The following DNM1L variants were observed in gnomAD, a reference collection of about 807,000 sequenced individuals.
DNM1L encodes dynamin 1L, also known as dynamin-1-like protein.
DNM1L carries 33 observed loss-of-function variants against 92.8 expected under a neutral mutation model. The observed-to-expected ratio is 0.36, with a 90% CI of 0.27 to 0.48. DNM1L has a LOEUF of 0.48. Ranked by LOEUF, DNM1L falls within the 20% of genes least tolerant of loss-of-function variation. DNM1L has a pLI of 0.99. For synonymous variants in DNM1L, 284 were observed against 305.0 expected, an observed-to-expected ratio of 0.93 and a Z score of 0.72; for missense variants, 485 against 888.8, an observed-to-expected ratio of 0.55 and a Z score of 5.78.
intron 9 of DNM1L, among the ~76,000 whole-genome samples, chr12:32,723,541 A>G (rs987211708): frequency 6.6e-6 from 1 of 151,880 alleles, no homozygotes; most frequent in Non-Finnish European, 1.5e-5. Context: ...TAAAAATACA[A>G]AAACTAGCCG....
rs1953906818 is a variant in DNM1L, at chr12:32,723,604, G to A, written c.1079+971G>A. ...AGCTACTTGGGAGGCTGAGGCAGGA[G>A]AATTGCTTGAACCCGTGAGGCGGAG... On this transcript the variant is annotated intron_variant, in intron 9 of 19. Transcript: ENST00000549701. Among the ~76,000 whole-genome samples the A allele has an allele frequency of 2.0e-5, 3 of 147,764 alleles. No homozygotes were observed. In the East Asian group the frequency reaches 6.3e-4, roughly 31 times the overall value.
In DNM1L at chr12:32,717,913, A is replaced by T. The variant is rs1230707407; in HGVS notation, c.620-730A>T. Among the ~76,000 whole-genome samples, 410 of 81,304 alleles carry T rather than the reference A, an allele frequency of 5.0e-3. 16 individuals are homozygous for T. The highest frequency in any genetic ancestry group is 0.021 in the African/African-American group (386 of 18,318). The allele number at this position is 81,304 out of a possible 152,430, so 53.3% of individuals were successfully genotyped here. On this transcript the variant is annotated intron_variant, in intron 6 of 19. Transcript: ENST00000549701. Reference sequence around the variant, plus strand: ...TATATACTATATATAGTATATATATAAAATATAGTATATATTTTATATATA... The same window carrying T: ...TATATACTATATATAGTATATATATTAAATATAGTATATATTTTATATATA...
chr12:32,742,888 C>CTTTTTTTTTTTTTTTTTTTT (rs36039451), intron 19 of DNM1L, 140 bp downstream of exon 19: 1 of 201,926 alleles, frequency 5.0e-6, no homozygotes, highest in Admixed American at 9.5e-5. Flanking sequence ...TGATAAGAAT[C>CTTTTTTTTTTTTTTTTTTTT]TTTTTTTTTT....
intron 18 of DNM1L, among the ~76,000 whole-genome samples, chr12:32,741,983 T>C (rs1342821450): frequency 6.6e-6 from 1 of 152,224 alleles, no homozygotes; most frequent in East Asian, 1.9e-4. Flanking sequence ...AGATATACTG[T>C]GTTTAAGCAT....
intron 9 of DNM1L, chr12:32,728,602 G>C (rs551970950): frequency 9.8e-5 from 15 of 152,316 alleles, no homozygotes; most frequent in African/African-American, 3.4e-4. Flanking sequence ...CAGGGTTTGG[G>C]AGAACTCCAC....
At chr12:32,719,828 A>G (rs149414927) in intron 7 of DNM1L, among the ~76,000 whole-genome samples, 85 of 152,266 alleles carry the variant, frequency 5.6e-4, no homozygotes, top group Middle Eastern at 3.4e-3. Context: ...GTTGATGTCT[A>G]TTTTATAATC....
intron 2 of DNM1L, among the ~76,000 whole-genome samples, chr12:32,701,767 G>A (rs894371418): frequency 6.6e-6 from 1 of 151,628 alleles, no homozygotes; most frequent in Non-Finnish European, 1.5e-5. Context: ...TTACTCTGTC[G>A]CCCAGGCTGG....
chr12:32,680,101 G>A, intron 1 of DNM1L: 1 of 800,282 alleles, frequency 1.2e-6, no homozygotes, highest in Middle Eastern at 6.5e-4. Context: ...TGCGGGTGTT[G>A]GGAAGGAATA....
chr12:32,707,128 CT>C (rs1952958149), intron 2 of DNM1L: 1 of 421,660 alleles, frequency 2.4e-6, no homozygotes, highest in African/African-American at 2.1e-5. Context: ...CTGTGAGCAG[CT>C]CTGCCTGAAG....
chr12:32,744,742 T>C lies in DNM1L; in HGVS notation c.*1332T>C, dbSNP rs1375102218. On this transcript the variant is annotated 3_prime_UTR_variant, in exon 20 of 20. Coordinates refer to ENST00000549701, the MANE Select transcript of DNM1L (RefSeq NM_012062.5). ...AAAAAAAAATAAAACAACACCCAGA[T>C]AGATACACATACTCCTTCAGACTTA... The C allele has an allele frequency of 2.6e-6, 1 of 387,998 alleles. No individual in the cohort carries two copies. The highest frequency in any genetic ancestry group is 4.9e-6 in the Non-Finnish European group (1 of 202,168). The allele number at this position is 387,998 out of a possible 1,614,324, so 24.0% of individuals were successfully genotyped here.
chr12:32,707,473 T>A (rs1952972011), intron 3 of DNM1L, 60 bp downstream of exon 3: 1 of 1,219,726 alleles, frequency 8.2e-7, no homozygotes, highest in African/African-American at 1.6e-5. Flanking sequence ...GTATGAATAC[T>A]TGATAATTTA....
chr12:32,735,764 T>G (rs1391798183), intron 13 of DNM1L, among the ~76,000 whole-genome samples: 1 of 151,794 alleles, frequency 6.6e-6, no homozygotes, highest in South Asian at 2.1e-4. Context: ...TAATCCCAGC[T>G]AGTAGGGAGG....
At chr12:32,726,711 C>T in intron 9 of DNM1L, 2 of 640,520 alleles carry the variant, frequency 3.1e-6, no homozygotes, top group Non-Finnish European at 5.7e-6. Flanking sequence ...TGTCCCATGT[C>T]CCTAGTGTTT....
intron 14 of DNM1L, 126 bp downstream of exon 14, chr12:32,737,287 T>C: frequency 1.1e-6 from 1 of 898,772 alleles, no homozygotes; most frequent in Non-Finnish European, 1.8e-6. Flanking sequence ...TGGAACTAAC[T>C]GAGTAAAGGC....
chr12:32,679,496 C>T, intron 1 of DNM1L, 31 bp downstream of exon 1: 2 of 1,587,132 alleles, frequency 1.3e-6, no homozygotes, highest in East Asian at 2.2e-5. Context: ...TCGCTCGGGC[C>T]AGACCCCGGC....
chr12:32,689,451 A>C (rs1400314886), intron 1 of DNM1L, among the ~76,000 whole-genome samples: 20 of 152,026 alleles, frequency 1.3e-4, no homozygotes, highest in Non-Finnish European at 5.9e-5. Flanking sequence ...ACCCTCCCAA[A>C]GTGCTGGGAT....
chr12:32,692,304 G>A (rs1338428463), intron 1 of DNM1L, among the ~76,000 whole-genome samples: 1 of 152,158 alleles, frequency 6.6e-6, no homozygotes, highest in African/African-American at 2.4e-5. Context: ...CATGTTAAAA[G>A]TTTTAGTTTG....
At chr12:32,737,234 C>T in intron 14 of DNM1L, 73 bp downstream of exon 14, 1 of 1,498,972 alleles carries the variant, frequency 6.7e-7, no homozygotes, top group South Asian at 1.2e-5. Flanking sequence ...TTACTCAGTC[C>T]TAGGAGTAAT....
At chr12:32,727,598 T>C in intron 9 of DNM1L, 1 of 483,582 alleles carries the variant, frequency 2.1e-6, no homozygotes, top group East Asian at 3.5e-5. Flanking sequence ...CCTAGGCATT[T>C]TTGTATGCAT....
Sources: allele counts gnomAD v4.1 joint callset (sites outside exome capture counted in the v4.1 genomes callset), GRCh38; gene constraint gnomAD v4.1.1; transcripts MANE v1.5; gene names NCBI Gene and HGNC (gene_info 2026-07-23, HGNC 2026-07-21).